Variants in PTPN4 observed in about 807,000 individuals in gnomAD.
PTPN4 encodes tyrosine-protein phosphatase non-receptor type 4.
PTPN4 carries 49 observed loss-of-function variants against 135.5 expected under a neutral mutation model. The observed-to-expected ratio is 0.36, with a 90% CI of 0.29 to 0.46. PTPN4 has a LOEUF of 0.46. PTPN4 is among the 20% of genes least tolerant of loss of function. The pLI, the probability that PTPN4 is intolerant of heterozygous loss-of-function variation, is 1.00. For synonymous variants in PTPN4, 333 were observed against 369.9 expected, an observed-to-expected ratio of 0.90 and a Z score of 1.14; for missense variants, 860 against 1,101.0, an observed-to-expected ratio of 0.78 and a Z score of 3.10.
chr2:119,815,310 T>C (rs1676968571), intron 2 of PTPN4, among the ~76,000 whole-genome samples: 1 of 152,206 alleles, frequency 6.6e-6, no homozygotes, highest in South Asian at 2.1e-4. Context: ...ACAAGAATGT[T>C]GGTGAAGTGC....
At chr2:119,967,667 G>A (rs891678688) in intron 25 of PTPN4, among the ~76,000 whole-genome samples, 170 bp from the exon 26 acceptor site, 1 of 152,006 alleles carries the variant, frequency 6.6e-6, no homozygotes, top group Non-Finnish European at 1.5e-5. Flanking sequence ...TTGAGTCAGT[G>A]CATTTTTTTT....
intron 1 of PTPN4, among the ~76,000 whole-genome samples, chr2:119,784,410 A>T (rs1408852971): frequency 1.5e-4 from 19 of 127,094 alleles, no homozygotes; most frequent in African/African-American, 5.6e-4. Flanking sequence ...TTTTTGAGAC[A>T]GAGTCTTGCT....
chr2:119,836,352 A>G (rs754369297), intron 2 of PTPN4, among the ~76,000 whole-genome samples: 5 of 152,234 alleles, frequency 3.3e-5, no homozygotes, highest in Admixed American at 6.5e-5. Flanking sequence ...ACTGCTGATC[A>G]GGTCTTTCTT....
intron 2 of PTPN4, among the ~76,000 whole-genome samples, chr2:119,822,182 C>G (rs907183842): frequency 1.3e-5 from 2 of 152,088 alleles, no homozygotes; most frequent in South Asian, 2.1e-4. Context: ...CTTCCTTTCC[C>G]ATTTTTAGCC....
intron 1 of PTPN4, among the ~76,000 whole-genome samples, chr2:119,803,147 A>G (rs1691405182): frequency 6.6e-6 from 1 of 151,820 alleles, no homozygotes; most frequent in Non-Finnish European, 1.5e-5. Context: ...TTTTTCCCCT[A>G]TTGATTTTCT....
rs145136008 is a variant in PTPN4 at position 119,926,624 on chromosome 2, A to G, written c.1028A>G (p.Gln343Arg). The G allele has an allele frequency of 3.1e-5, 49 of 1,605,384 alleles. No homozygotes were observed. The highest frequency in any genetic ancestry group is 4.2e-5 in the Non-Finnish European group (49 of 1,174,416). ...GGGAGAACTGAAGTCCAATCAGTTC[A>G]GTATGGCAAAGAAAAGGCAAATAAA... ...YCGRTEVQSV[Q>R]YGKEKANKDR... The change falls in exon 13 of 27, where the codon CAG becomes CGG. Residue 343 changes from glutamine to arginine, a missense_variant. Around this residue, in one of 2 missense-constraint regions of PTPN4, gnomAD observed 684 missense variants for 807.0 expected, o/e 0.85. Coordinates refer to ENST00000263708, the MANE Select transcript of PTPN4 (RefSeq NM_002830.4).
At chr2:119,774,725 C>A (rs1208575166) in intron 1 of PTPN4, among the ~76,000 whole-genome samples, 1 of 151,788 alleles carries the variant, frequency 6.6e-6, no homozygotes, top group Non-Finnish European at 1.5e-5. Context: ...TTCCTAGGCA[C>A]CCTTAAGAAA....
intron 9 of PTPN4, among the ~76,000 whole-genome samples, chr2:119,891,877 C>T (rs1370827435): frequency 6.6e-6 from 1 of 152,144 alleles, no homozygotes; most frequent in Admixed American, 6.5e-5. Context: ...TGTGTGCTTA[C>T]ATTGTATCTG....
chr2:119,880,172 C>T (rs1405936137), intron 5 of PTPN4: 1 of 152,028 alleles, frequency 6.6e-6, no homozygotes, highest in Non-Finnish European at 1.5e-5. Flanking sequence ...TTTCTTCTTA[C>T]AAATGTAGAA....
intron 3 of PTPN4, among the ~76,000 whole-genome samples, chr2:119,868,200 A>C (rs762479062): frequency 6.6e-6 from 1 of 152,218 alleles, no homozygotes; most frequent in Non-Finnish European, 1.5e-5. Context: ...TTAAAGATGC[A>C]TCCAGGAAAT....
chr2:119,868,118 A>G (rs978844016), intron 3 of PTPN4, among the ~76,000 whole-genome samples: 7 of 152,202 alleles, frequency 4.6e-5, no homozygotes, highest in African/African-American at 1.7e-4. Context: ...GCAGCCATTC[A>G]TAATGAAAAC....
At chr2:119,937,506 A>G (rs1207202704) in intron 15 of PTPN4, among the ~76,000 whole-genome samples, 2 of 152,232 alleles carry the variant, frequency 1.3e-5, no homozygotes, top group East Asian at 1.9e-4. Flanking sequence ...TTGGATGGTT[A>G]AATTTATTAG....
intron 14 of PTPN4, 42 bp from the exon 15 acceptor site, chr2:119,934,758 T>A (rs995599782): frequency 1.6e-5 from 26 of 1,586,872 alleles, no homozygotes; most frequent in Non-Finnish European, 2.1e-5. Flanking sequence ...AAATTTTGAA[T>A]TGAAGCATAT....
At chr2:119,776,332 C>T (rs960751828) in intron 1 of PTPN4, among the ~76,000 whole-genome samples, 5 of 152,102 alleles carry the variant, frequency 3.3e-5, no homozygotes, top group African/African-American at 1.2e-4. Flanking sequence ...CCTGCCACCA[C>T]GCCCGGCTAA....
intron 2 of PTPN4, among the ~76,000 whole-genome samples, chr2:119,854,753 C>T (rs1047858433): frequency 2.4e-4 from 36 of 152,188 alleles, no homozygotes; most frequent in African/African-American, 8.0e-4. Flanking sequence ...TAACCAATTC[C>T]GTAAAGATGA....
chr2:119,902,059 C>T (rs1174427114), intron 10 of PTPN4, among the ~76,000 whole-genome samples: 2 of 151,984 alleles, frequency 1.3e-5, no homozygotes, highest in Non-Finnish European at 2.9e-5. Context: ...TGACAGCCAC[C>T]GAATCACAGA....
chr2:119,845,816 A>G (rs1454490086), intron 2 of PTPN4, among the ~76,000 whole-genome samples: 1 of 152,070 alleles, frequency 6.6e-6, no homozygotes, highest in Non-Finnish European at 1.5e-5. Flanking sequence ...TTCTTTTGTT[A>G]TGCAGTCATT....
intron 2 of PTPN4, among the ~76,000 whole-genome samples, chr2:119,830,104 TA>T (rs1354623006): frequency 1.3e-5 from 2 of 152,122 alleles, no homozygotes; most frequent in Non-Finnish European, 2.9e-5. Context: ...TCATGGGCCA[TA>T]GTCACAAAGG....
chr2:119,933,187 A>T (rs1678931410), intron 14 of PTPN4, among the ~76,000 whole-genome samples: 1 of 152,216 alleles, frequency 6.6e-6, no homozygotes, highest in Admixed American at 6.5e-5. Context: ...GATGTTGATT[A>T]TCTTAATTTG....
Sources: gnomAD v4.1 joint callset for allele counts (sites outside exome capture counted in the v4.1 genomes callset) on GRCh38, gnomAD v4.1.1 for gene constraint, gnomAD v4.1.1 regional missense constraint, MANE v1.5 for transcripts, NCBI Gene and HGNC (gene_info 2026-07-23, HGNC 2026-07-21) for gene names.